The following GCNT1 variants were observed in gnomAD, a reference collection of about 807,000 sequenced individuals.
GCNT1 encodes glucosaminyl (N-acetyl) transferase 1.
GCNT1 carries 16 observed loss-of-function variants against 26.2 expected under a neutral mutation model. That is an observed-to-expected ratio of 0.61 (90% CI 0.41 to 0.93). The LOEUF is 0.93. Ranked by LOEUF, GCNT1 falls within the 40% of genes least tolerant of loss-of-function variation. The probability of loss-of-function intolerance (pLI) is 0.00; values close to 1 mark genes in which losing one functional copy is unlikely to be tolerated. For missense variants in GCNT1, 477 were observed against 526.7 expected (o/e 0.91, Z 0.92); for synonymous variants, 183 against 190.8 (o/e 0.96, Z 0.34).
At chr9:76,446,552 C>CT (rs1823580776) in intron 1 of GCNT1, among the ~76,000 whole-genome samples, 1 of 152,108 alleles carries the variant, frequency 6.6e-6, no homozygotes, top group Non-Finnish European at 1.5e-5. Context: ...ACATTTTGAC[C>CT]AAGCAATACC....
At position 76,443,910 on chromosome 9, in the gene GCNT1, GAAGA is replaced by G. The variant is rs1393147242; in HGVS notation, c.-290+1599_-290+1602del. The stretch of plus-strand genomic sequence containing the variant: ...GAAAGAAAGAAAGAAAGGAAGAAAG[GAAGA>G]AAGGAAGAAAGGAAGAAAGGAAGGA... On this transcript the variant is annotated intron_variant, in intron 1 of 2. Coordinates refer to the GCNT1 transcript ENST00000442371. 1.1e-4 allele frequency among the ~76,000 whole-genome samples: 6 copies of G among 55,252 alleles called. No homozygotes were observed. In the East Asian group the frequency reaches 1.6e-3, roughly 14 times the overall value. 36.2% of individuals were successfully genotyped at this position (55,252 alleles called of 152,430 possible). A position where few individuals can be genotyped will look rare whatever the true frequency, so the allele number is the denominator to read the frequency against.
At chr9:76,414,308 C>T in the GCNT1 span, among the ~76,000 whole-genome samples, 1 of 152,146 alleles carries the variant, frequency 6.6e-6, no homozygotes, top group Non-Finnish European at 1.5e-5. Context: ...AAAAAGTACA[C>T]CTTTAGCGAT....
chr9:76,447,148 T>A (rs1823589591), intron 1 of GCNT1, among the ~76,000 whole-genome samples: 1 of 79,018 alleles, frequency 1.3e-5, no homozygotes, highest in Admixed American at 2.0e-4. Context: ...TGAAACCCTG[T>A]GTCAAAAAAA....
chr9:76,480,564 G>A (rs1045342246), intron 2 of GCNT1, among the ~76,000 whole-genome samples: 1 of 152,142 alleles, frequency 6.6e-6, no homozygotes, highest in Non-Finnish European at 1.5e-5. Context: ...AGGCAGAAAG[G>A]GTAGGTGTCA....
chr9:76,502,342 G>T lies in GCNT1; in HGVS notation c.-40G>T. On this transcript the variant is annotated 5_prime_UTR_variant, in exon 4 of 4. Transcript: ENST00000376730. ...AATCATTGGTGCTTGGAGCATAGAA[G>T]ACTGCCCTTCACAAAGGAAATCCCT... 1.4e-6 allele frequency: 2 copies of T among 1,412,060 alleles called. No individual in the cohort carries two copies. The highest frequency in any genetic ancestry group is 9.9e-7 in the Non-Finnish European group (1 of 1,008,356). The allele number at this position is 1,412,060 out of a possible 1,614,324, so 87.5% of individuals were successfully genotyped here.
At chr9:76,452,898 C>T (rs1485391841) in intron 1 of GCNT1, among the ~76,000 whole-genome samples, 1 of 152,134 alleles carries the variant, frequency 6.6e-6, no homozygotes, top group Non-Finnish European at 1.5e-5. Flanking sequence ...GGAGCTTTAC[C>T]TACCTGCCAG....
chr9:76,416,919 G>A (rs551379218), upstream of GCNT1, among the ~76,000 whole-genome samples: 1 of 151,936 alleles, frequency 6.6e-6, no homozygotes, highest in African/African-American at 2.4e-5. Flanking sequence ...AATTAGCTGG[G>A]TGTGGTGGTG....
At chr9:76,490,147 C>T (rs1387506992) in intron 2 of GCNT1, among the ~76,000 whole-genome samples, 1 of 152,090 alleles carries the variant, frequency 6.6e-6, no homozygotes, top group African/African-American at 2.4e-5. Flanking sequence ...AAGCCTTTTC[C>T]TCTAAGTGCC....
chr9:76,436,653 G>A (rs139578347), intron 1 of GCNT1, among the ~76,000 whole-genome samples: 20 of 146,956 alleles, frequency 1.4e-4, no homozygotes, highest in African/African-American at 4.0e-4. Flanking sequence ...TGAAAATTTC[G>A]TCCATTTACT....
At chr9:76,473,502 A>G (rs1824185952) in intron 2 of GCNT1, among the ~76,000 whole-genome samples, 1 of 152,252 alleles carries the variant, frequency 6.6e-6, no homozygotes, top group African/African-American at 2.4e-5. Context: ...ATAATGAATA[A>G]TAATACATTG....
At chr9:76,472,235 A>G (rs1057245464) in intron 2 of GCNT1, among the ~76,000 whole-genome samples, 13 of 152,206 alleles carry the variant, frequency 8.5e-5, no homozygotes, top group African/African-American at 3.1e-4. Flanking sequence ...GTGAGTCAAG[A>G]TCGCACCTCT....
At chr9:76,464,242 G>A (rs970191336) in intron 2 of GCNT1, among the ~76,000 whole-genome samples, 3 of 151,806 alleles carry the variant, frequency 2.0e-5, no homozygotes, top group African/African-American at 4.8e-5. Flanking sequence ...TTGCAGACAG[G>A]GTCTCACTCT....
At chr9:76,393,965 G>C in the GCNT1 span, 1 of 818,728 alleles carries the variant, frequency 1.2e-6, no homozygotes. Context: ...GATGCGGGAG[G>C]AGGAAGGGTG....
chr9:76,394,450 G>A, the GCNT1 span: 66,646 of 339,698 alleles, frequency 0.2, 8,109 homozygotes, highest in Non-Finnish European at 0.25. Context: ...GGGGTGGGGG[G>A]AGGGGGCGGC....
rs1057419 is a variant in GCNT1, at chr9:76,503,745, A to G, written c.*77A>G. On this transcript the variant is annotated 3_prime_UTR_variant, in exon 4 of 4. Transcript: ENST00000376730. ...TATCTGTTTCCCCTTCCTTGTCAGCATCGGGAAGATGGTATGAAGTCCTCT... is the reference window on the plus strand; with the variant it reads ...TATCTGTTTCCCCTTCCTTGTCAGCGTCGGGAAGATGGTATGAAGTCCTCT... The G allele has an allele frequency of 0.59, 694,127 of 1,183,102 alleles. 208,235 individuals are homozygous for G. Among genetic ancestry groups the G allele is most frequent in the East Asian group, 0.87 (37,261 of 42,614 alleles). 73.3% of individuals were successfully genotyped at this position (1,183,102 alleles called of 1,614,324 possible).
At chr9:76,436,349 AG>A (rs1188781912) in intron 1 of GCNT1, among the ~76,000 whole-genome samples, 2 of 152,048 alleles carry the variant, frequency 1.3e-5, no homozygotes, top group Non-Finnish European at 2.9e-5. Flanking sequence ...ATGCCTTGGG[AG>A]GCAGAGGCAG....
chr9:76,416,473 C>A (rs949908758), upstream of GCNT1, among the ~76,000 whole-genome samples: 1 of 152,228 alleles, frequency 6.6e-6, no homozygotes, highest in Non-Finnish European at 1.5e-5. Context: ...TGAATGGCAA[C>A]TGCTAAAAGA....
chr9:76,394,645 G>C, the GCNT1 span: 1 of 154,494 alleles, frequency 6.5e-6, no homozygotes, highest in South Asian at 1.9e-4. Flanking sequence ...CTGGATCCCG[G>C]GCTTCGTTTC....
chr9:76,412,490 A>G, the GCNT1 span, among the ~76,000 whole-genome samples: 1 of 152,174 alleles, frequency 6.6e-6, no homozygotes, highest in African/African-American at 2.4e-5. Flanking sequence ...GGTCTCAGAA[A>G]GTCTTTATTT....
Sources: gnomAD v4.1 joint callset for allele counts (sites outside exome capture counted in the v4.1 genomes callset) on GRCh38, gnomAD v4.1.1 for gene constraint, MANE v1.5 for transcripts, NCBI Gene and HGNC (gene_info 2026-07-23, HGNC 2026-07-21) for gene names.